Variants in PARN observed in about 807,000 individuals in gnomAD.
PARN encodes poly(A)-specific ribonuclease, also known as poly(A)-specific ribonuclease PARN.
PARN carries 71 observed loss-of-function variants against 102.8 expected under a neutral mutation model. The ratio of observed to expected loss-of-function variants is 0.69; its 90% confidence interval spans 0.57 to 0.84. PARN has a LOEUF of 0.84. Ranked by LOEUF, PARN falls within the 40% of genes least tolerant of loss-of-function variation. The pLI is 0.00. For synonymous variants in PARN, 261 were observed against 252.9 expected (o/e 1.03, Z -0.30); for missense variants, 782 against 760.9 (o/e 1.03, Z -0.33).
At chr16:14,505,503 A>ACG (rs1964849220) in intron 21 of PARN, among the ~76,000 whole-genome samples, 1 of 152,004 alleles carries the variant, frequency 6.6e-6, no homozygotes, top group Non-Finnish European at 1.5e-5. Flanking sequence ...ACACACACAC[A>ACG]TACACACACA....
intron 21 of PARN, among the ~76,000 whole-genome samples, chr16:14,517,789 G>C (rs1026878921): frequency 5.9e-5 from 9 of 151,968 alleles, no homozygotes; most frequent in African/African-American, 2.2e-4. Context: ...AGTGACTCTC[G>C]TACCTTGGCT....
At chr16:14,533,289 G>GC (rs1966453857) in intron 21 of PARN, among the ~76,000 whole-genome samples, 1 of 152,244 alleles carries the variant, frequency 6.6e-6, no homozygotes, top group Middle Eastern at 3.4e-3. Context: ...GCCTGCAATC[G>GC]CAAGTACTCG....
intron 21 of PARN, among the ~76,000 whole-genome samples, chr16:14,538,220 T>C (rs937832108): frequency 5.6e-5 from 7 of 124,874 alleles, no homozygotes; most frequent in South Asian, 2.5e-4. Flanking sequence ...TATTTTTCAC[T>C]TTTTTTTTTT....
chr16:14,582,417 C>T, intron 16 of PARN, 126 bp from the exon 17 acceptor site: 1 of 666,202 alleles, frequency 1.5e-6, no homozygotes, highest in Non-Finnish European at 2.7e-6. Flanking sequence ...GCTATCTATT[C>T]CTTAATTCTC....
At chr16:14,585,542 G>A (rs146464528) in intron 14 of PARN, among the ~76,000 whole-genome samples, 2 of 152,196 alleles carry the variant, frequency 1.3e-5, no homozygotes, top group East Asian at 1.9e-4. Context: ...TCAGAGATAT[G>A]TGACATATGA....
At chr16:14,549,109 G>C (rs1186048591) in intron 21 of PARN, among the ~76,000 whole-genome samples, 5 of 152,178 alleles carry the variant, frequency 3.3e-5, no homozygotes, top group Admixed American at 3.3e-4. Flanking sequence ...CTGCATAAAA[G>C]ATGGCTTCTT....
intron 22 of PARN, among the ~76,000 whole-genome samples, chr16:14,457,165 C>T (rs547819763): frequency 6.6e-6 from 1 of 152,280 alleles, no homozygotes; most frequent in Non-Finnish European, 1.5e-5. Flanking sequence ...ATAATATGAA[C>T]ATAGTTTACA....
At chr16:14,596,202 A>G (rs1970499656) in intron 12 of PARN, among the ~76,000 whole-genome samples, 1 of 152,138 alleles carries the variant, frequency 6.6e-6, no homozygotes, top group African/African-American at 2.4e-5. Context: ...CATTCATTCC[A>G]TAGCTGAGCC....
chr16:14,486,744 C>G (rs767896819), intron 21 of PARN, among the ~76,000 whole-genome samples: 1 of 152,218 alleles, frequency 6.6e-6, no homozygotes, highest in Non-Finnish European at 1.5e-5. Context: ...CTCAAAGCCA[C>G]GCCTCTAATG....
rs1196710374 is a variant in PARN, at chr16:14,521,899, T to C, written c.1480+30122A>G. 2.0e-5 allele frequency among the ~76,000 whole-genome samples: 3 copies of C among 152,166 alleles called. No homozygotes were observed. In the East Asian group the frequency reaches 5.8e-4, roughly 29 times the overall value. On this transcript the variant is annotated intron_variant, in intron 21 of 23. Transcript: ENST00000437198. ...GGTCCCATAAGATTATGATACTGTA[T>C]CTTTTCTATGTTTAGATATACAAAT...
chr16:14,467,238 G>A (rs940484685), intron 22 of PARN, among the ~76,000 whole-genome samples: 1 of 152,152 alleles, frequency 6.6e-6, no homozygotes, highest in Non-Finnish European at 1.5e-5. Flanking sequence ...AAGGAACAGG[G>A]TATGATGGCA....
At position 14,555,530 on chromosome 16, in the gene PARN, A is replaced by G. The variant is rs1031167828; in HGVS notation, c.1318+124T>C. 3 of 475,844 alleles carry G rather than the reference A, an allele frequency of 6.3e-6. No homozygotes were observed. The East Asian group carries it at 1.0e-4, about 16-fold the overall frequency. 29.5% of individuals were successfully genotyped at this position (475,844 alleles called of 1,614,324 possible). A position where few individuals can be genotyped will look rare whatever the true frequency, so the allele number is the denominator to read the frequency against. ...TAACTTAAGCATACTATTCATATCA[A>G]CCACAAAATCACAGCCCAATTTTGA... is the stretch of plus-strand genomic sequence containing the variant. On this transcript the variant is annotated intron_variant, in intron 19 of 23. Transcript: ENST00000437198.
At chr16:14,468,625 G>A (rs1218077000) in intron 22 of PARN, among the ~76,000 whole-genome samples, 4 of 152,170 alleles carry the variant, frequency 2.6e-5, no homozygotes, top group African/African-American at 9.7e-5. Context: ...TTCGGAACCT[G>A]TGGATCACTG....
intron 22 of PARN, among the ~76,000 whole-genome samples, chr16:14,450,080 G>A (rs981354193): frequency 6.6e-6 from 1 of 152,166 alleles, no homozygotes; most frequent in Non-Finnish European, 1.5e-5. Flanking sequence ...ATAAAAAACT[G>A]GTTGAATACG....
chr16:14,586,279 C>CT, intron 14 of PARN, 39 bp downstream of exon 14: 1 of 1,410,714 alleles, frequency 7.1e-7, no homozygotes, highest in Non-Finnish European at 9.8e-7. Context: ...GCCCAGCCAA[C>CT]TTTTTTAAAA....
At position 14,446,931 on chromosome 16, in the gene PARN, CT is replaced by C. The variant is rs779894337; in HGVS notation, c.1820del (p.Lys607ArgfsTer5). 1 of 1,613,260 alleles carries C rather than the reference CT, an allele frequency of 6.2e-7. No homozygotes were observed. Among genetic ancestry groups the C allele is most frequent in the East Asian group, 2.2e-5 (1 of 44,858 alleles). ...TCTTCATTCTTTTTAATTTCTTGGC[CT>C]TTTTCCTTCCCTCTGAGAGGGGCTC... ...CAEPLSEGRK[K>X]AKKLKRMKKE... On this transcript the variant is annotated frameshift_variant, in exon 23 of 24. Transcript: ENST00000437198. LOFTEE classifies it high-confidence loss of function.
intron 21 of PARN, among the ~76,000 whole-genome samples, chr16:14,489,932 G>A (rs1318039790): frequency 6.6e-6 from 1 of 152,248 alleles, no homozygotes; most frequent in Non-Finnish European, 1.5e-5. Flanking sequence ...ACTTTGGGAG[G>A]CCAAGGCTGG....
intron 20 of PARN, 150 bp from the exon 21 acceptor site, chr16:14,552,245 G>C (rs1967353629): frequency 1.7e-6 from 1 of 586,726 alleles, no homozygotes; most frequent in Non-Finnish European, 3.0e-6. Flanking sequence ...CAGCCCTACA[G>C]AGAGTTAGCC....
intron 21 of PARN, among the ~76,000 whole-genome samples, chr16:14,544,836 C>T (rs72787676): frequency 0.17 from 25,096 of 152,028 alleles, 2,547 homozygotes; most frequent in Middle Eastern, 0.28. Context: ...CAATCACAGG[C>T]GATTTTAACC....
Sources: allele counts gnomAD v4.1 joint callset (sites outside exome capture counted in the v4.1 genomes callset), GRCh38; gene constraint gnomAD v4.1.1; transcripts MANE v1.5; gene names NCBI Gene and HGNC (gene_info 2026-07-23, HGNC 2026-07-21).